Variants in MAP3K5 observed in about 807,000 individuals in gnomAD.
MAP3K5 encodes the protein ASK-1.
Under a neutral mutation model 158.7 loss-of-function variants are expected in MAP3K5, and 56 were observed. The observed-to-expected ratio is 0.35, with a 90% CI of 0.28 to 0.44. MAP3K5 has a LOEUF of 0.44. Ranked by LOEUF, MAP3K5 falls within the 20% of genes least tolerant of loss-of-function variation. MAP3K5 has a pLI of 1.00. For synonymous variants in MAP3K5, 579 were observed against 601.7 expected (o/e 0.96, Z 0.55); for missense variants, 1,294 against 1,674.8 (o/e 0.77, Z 3.97).
intron 1 of MAP3K5, among the ~76,000 whole-genome samples, chr6:136,752,398 T>C (rs905655616): frequency 1.3e-5 from 2 of 152,052 alleles, no homozygotes; most frequent in Non-Finnish European, 2.9e-5. Flanking sequence ...ATATCTGCCA[T>C]TTCAGCTGGG....
In MAP3K5 at chr6:136,759,761, ATTTTTTTT is replaced by A. The variant is rs11317822; in HGVS notation, c.448+31941_448+31948del. 2.6e-4 allele frequency among the ~76,000 whole-genome samples: 26 copies of A among 99,900 alleles called. 1 individual carries two copies. Among genetic ancestry groups the A allele is most frequent in the Admixed American group, 1.5e-3 (14 of 9,476 alleles). 65.5% of individuals were successfully genotyped at this position (99,900 alleles called of 152,430 possible). ...TGTGAGCTACCGCACCCAGCCCTCT[ATTTTTTTT>A]TTTTTTTTTTTTTGGAGCAACATGG... On this transcript the variant is annotated intron_variant, in intron 1 of 29. Transcript: ENST00000359015.
chr6:136,713,183 C>G (rs992037283), intron 2 of MAP3K5, among the ~76,000 whole-genome samples: 19 of 152,210 alleles, frequency 1.2e-4, no homozygotes, highest in African/African-American at 3.6e-4. Flanking sequence ...ACTCCTTCCT[C>G]TGTGTGCAGA....
At chr6:136,728,771 T>C (rs1370693618) in intron 1 of MAP3K5, among the ~76,000 whole-genome samples, 10 of 152,208 alleles carry the variant, frequency 6.6e-5, no homozygotes, top group Admixed American at 5.9e-4. Context: ...TTGGTGACAT[T>C]GTATTACACT....
chr6:136,779,442 C>CA (rs35110376), intron 1 of MAP3K5, among the ~76,000 whole-genome samples: 65,594 of 100,808 alleles, frequency 0.65, 19,755 homozygotes, highest in Admixed American at 0.69. Context: ...CACCCTGTCT[C>CA]AAAAAAAAAA....
At chr6:136,642,646 T>C in intron 11 of MAP3K5, 77 bp from the exon 12 acceptor site, 1 of 1,048,284 alleles carries the variant, frequency 9.5e-7, no homozygotes, top group African/African-American at 1.6e-5. Flanking sequence ...GTTTAATTAT[T>C]TTTAAAGTGA....
At chr6:136,771,399 G>A (rs1289616876) in intron 1 of MAP3K5, among the ~76,000 whole-genome samples, 1 of 152,090 alleles carries the variant, frequency 6.6e-6, no homozygotes, top group African/African-American at 2.4e-5. Flanking sequence ...CAAAGCCAGA[G>A]CAGAAGCAGC....
rs746186983 is a variant in MAP3K5, at chr6:136,697,417, T to C, written c.807-30A>G. On this transcript the variant is annotated intron_variant, in intron 4 of 29. Transcript: ENST00000359015. ...TAAAAACACACACATTTCAAAGAGT[T>C]TGACATTAGAAACAATTTCAATGAA... The C allele has an allele frequency of 3.2e-6, 5 of 1,543,614 alleles. No individual in the cohort carries two copies. The South Asian group carries it at 4.8e-5, about 15-fold the overall frequency.
At chr6:136,715,415 C>T (rs1226206531) in intron 2 of MAP3K5, among the ~76,000 whole-genome samples, 1 of 152,144 alleles carries the variant, frequency 6.6e-6, no homozygotes, top group African/African-American at 2.4e-5. Context: ...AATTAGCACT[C>T]ATAATCTACC....
At chr6:136,635,543 G>C (rs1208108347) in intron 14 of MAP3K5, among the ~76,000 whole-genome samples, 3 of 151,880 alleles carry the variant, frequency 2.0e-5, no homozygotes, top group Non-Finnish European at 4.4e-5. Context: ...AAATATCAAA[G>C]CTATACAATT....
At chr6:136,579,366 T>C (rs899078796) in intron 25 of MAP3K5, among the ~76,000 whole-genome samples, 1 of 152,194 alleles carries the variant, frequency 6.6e-6, no homozygotes, top group Non-Finnish European at 1.5e-5. Context: ...CAAAAAGCCT[T>C]GTTTCATCAA....
intron 12 of MAP3K5, among the ~76,000 whole-genome samples, chr6:136,640,000 G>T (rs1364061606): frequency 6.6e-6 from 1 of 152,224 alleles, no homozygotes. Context: ...GGTGATTCTG[G>T]TGCTATGCAA....
chr6:136,748,093 G>A (rs139317367), intron 1 of MAP3K5, among the ~76,000 whole-genome samples: 216 of 152,228 alleles, frequency 1.4e-3, no homozygotes, highest in African/African-American at 4.7e-3. Context: ...AAATAAAGCA[G>A]TATTCCTTGA....
chr6:136,750,288 G>T (rs933226395), intron 1 of MAP3K5, among the ~76,000 whole-genome samples: 1 of 152,168 alleles, frequency 6.6e-6, no homozygotes, highest in African/African-American at 2.4e-5. Context: ...ATCTTGGCCA[G>T]GCTGGTCTCG....
chr6:136,654,464 G>A (rs1018636233), intron 10 of MAP3K5, among the ~76,000 whole-genome samples: 3 of 151,306 alleles, frequency 2.0e-5, no homozygotes, highest in South Asian at 2.1e-4. Context: ...TATTTATTTA[G>A]AGATGGAGTT....
intron 11 of MAP3K5, among the ~76,000 whole-genome samples, chr6:136,643,449 C>A (rs1236369729): frequency 6.6e-6 from 1 of 152,166 alleles, no homozygotes; most frequent in Non-Finnish European, 1.5e-5. Flanking sequence ...AAAGTTAAAA[C>A]AACCATGAAA....
At chr6:136,559,719 A>G (rs1178879995) in intron 28 of MAP3K5, among the ~76,000 whole-genome samples, 1 of 152,176 alleles carries the variant, frequency 6.6e-6, no homozygotes, top group Non-Finnish European at 1.5e-5. Flanking sequence ...TTTTATATAT[A>G]GAGACAGTCT....
At chr6:136,746,904 T>C (rs1437024524) in intron 1 of MAP3K5, among the ~76,000 whole-genome samples, 1 of 152,232 alleles carries the variant, frequency 6.6e-6, no homozygotes, top group Non-Finnish European at 1.5e-5. Context: ...TTTATACAAA[T>C]GCAAAATCTG....
Position 136,792,114 on chromosome 6 carries a change from G to T in MAP3K5, c.44C>A (p.Pro15His). 6.3e-7 allele frequency: 1 copy of T among 1,586,810 alleles called. No individual in the cohort carries two copies. The highest frequency in any genetic ancestry group is 8.6e-7 in the Non-Finnish European group (1 of 1,169,462). Reference protein sequence around the residue: ...ADEGITFSVPPFAPSGFCTIP... With the variant: ...ADEGITFSVPHFAPSGFCTIP... ...GGTGCAGAAGCCCGAGGGGGCGAAG[G>T]GTGGCACAGAGAAAGTGATGCCCTC... is the stretch of plus-strand genomic sequence containing the variant. The change falls in exon 1 of 30, where the codon CCC (proline) becomes CAC (histidine). Residue 15 changes from proline (P) to histidine (H), a missense_variant. Coordinates refer to ENST00000359015, the MANE Select transcript of MAP3K5 (RefSeq NM_005923.4). The surrounding 1 kb of genome is among the most constrained non-coding windows in gnomAD (Gnocchi z 5.7).
chr6:136,782,483 G>T (rs1784659799), intron 1 of MAP3K5, among the ~76,000 whole-genome samples: 1 of 152,176 alleles, frequency 6.6e-6, no homozygotes, highest in South Asian at 2.1e-4. Flanking sequence ...CACGGGTGTA[G>T]AAGAGGCTAC....
Sources: gnomAD v4.1 joint callset for allele counts (sites outside exome capture counted in the v4.1 genomes callset) on GRCh38, gnomAD v4.1.1 for gene constraint, Gnocchi (gnomAD v3.1) non-coding constraint, MANE v1.5 for transcripts, NCBI Gene and HGNC (gene_info 2026-07-23, HGNC 2026-07-21) for gene names.